SMAD2: variants seen among roughly 807,000 people sequenced by gnomAD.
The protein encoded by SMAD2 is MAD homolog 2.
Under a neutral mutation model 64.4 loss-of-function variants are expected in SMAD2, and 8 were observed. The ratio of observed to expected loss-of-function variants is 0.12; its 90% CI spans 0.07 to 0.22. The LOEUF (loss-of-function observed/expected upper bound fraction) is 0.22, where lower values mean the gene tolerates loss of function less well. Ranked by LOEUF, SMAD2 falls within the 10% of genes least tolerant of loss-of-function variation. The pLI is 1.00. For synonymous variants in SMAD2, 203 were observed against 195.8 expected, an observed-to-expected ratio of 1.04 and a Z score of -0.31; for missense variants, 289 against 561.2, an observed-to-expected ratio of 0.51 and a Z score of 4.90.
chr18:47,892,581 T>C (rs993786278), intron 2 of SMAD2, among the ~76,000 whole-genome samples: 8 of 152,280 alleles, frequency 5.3e-5, no homozygotes, highest in Non-Finnish European at 8.8e-5. Context: ...TCTATGTTTA[T>C]AAAGAGTGGC....
intron 2 of SMAD2, among the ~76,000 whole-genome samples, chr18:47,873,212 C>T (rs948824995): frequency 6.6e-6 from 1 of 152,174 alleles, no homozygotes; most frequent in Admixed American, 6.5e-5. Context: ...TAGAACCAAT[C>T]CCCCTTAGAT....
At position 47,836,587 on chromosome 18, in the gene SMAD2, T is replaced by C. The variant is rs1913432084; in HGVS notation, c.*5240A>G. The C allele has an allele frequency of 4.6e-6, 1 of 215,460 alleles. No homozygotes were observed. The highest frequency in any genetic ancestry group is 5.8e-5 in the Admixed American group (1 of 17,182). 13.3% of individuals were successfully genotyped at this position (215,460 alleles called of 1,614,324 possible). On this transcript the variant is annotated 3_prime_UTR_variant, in exon 11 of 11. Transcript: ENST00000262160. ...TTTTAACTGTTAGAATGACCCCAAC[T>C]GTTAAGTTTGTCTATGAGTGTATAT...
rs527569179 is a variant in SMAD2 at position 47,824,612 on chromosome 18, T to C, written c.*17215A>G. On this transcript the variant is annotated 3_prime_UTR_variant, in exon 11 of 11. Coordinates refer to ENST00000262160, the MANE Select transcript of SMAD2 (RefSeq NM_005901.6). ...TATTTAGGTTGACAGTTATTACACCTGAAAACTAAATTCTAGCTGATCAAT... is the reference window on the plus strand; with the variant it reads ...TATTTAGGTTGACAGTTATTACACCCGAAAACTAAATTCTAGCTGATCAAT... 2 of 152,224 alleles carry C rather than the reference T, an allele frequency of 1.3e-5. No homozygotes were observed. The highest frequency in any genetic ancestry group is 2.9e-5 in the Non-Finnish European group (2 of 68,044). The allele number at this position is 152,224 out of a possible 1,614,324, so 9.4% of individuals were successfully genotyped here.
In SMAD2 at chr18:47,886,615, A is replaced by G. The variant is rs567244088; in HGVS notation, c.236+9906T>C. 7.9e-5 allele frequency among the ~76,000 whole-genome samples: 12 copies of G among 151,892 alleles called. No individual in the cohort carries two copies. The South Asian group carries it at 2.5e-3, about 32-fold the overall frequency. On this transcript the variant is annotated intron_variant, in intron 2 of 10. Coordinates refer to ENST00000262160, the MANE Select transcript of SMAD2 (RefSeq NM_005901.6). ...TATCTATCTATCTATCTATCTATCT[A>G]ACCATAAAGATAAGCAAAGTTCTAA...
In SMAD2 at chr18:47,811,698, A is replaced by G. The variant is rs1237772525; in HGVS notation, c.*30129T>C. 1 of 152,162 alleles carries G rather than the reference A, an allele frequency of 6.6e-6. No homozygotes were observed. The allele number at this position is 152,162 out of a possible 1,614,324, so 9.4% of individuals were successfully genotyped here. A position where few individuals can be genotyped will look rare whatever the true frequency, so the allele number is the denominator to read the frequency against. Reference sequence around the variant, plus strand: ...CAATGAGAGCAGCTGATCAAAATGGAACCCTATGAAAGGCAAAGAGCAGGG... The same window carrying G: ...CAATGAGAGCAGCTGATCAAAATGGGACCCTATGAAAGGCAAAGAGCAGGG... On this transcript the variant is annotated 3_prime_UTR_variant, in exon 11 of 11. Coordinates refer to ENST00000262160, the MANE Select transcript of SMAD2 (RefSeq NM_005901.6).
At chr18:47,842,534 G>C (rs1212991548) in intron 10 of SMAD2, among the ~76,000 whole-genome samples, 1 of 152,072 alleles carries the variant, frequency 6.6e-6, no homozygotes, top group African/African-American at 2.4e-5. Context: ...GTGAGACTCT[G>C]TCTCGGGGTG....
intron 1 of SMAD2, among the ~76,000 whole-genome samples, chr18:47,917,317 C>T (rs2034376284): frequency 6.6e-6 from 1 of 152,130 alleles, no homozygotes; most frequent in East Asian, 1.9e-4. Context: ...TAAATTACAC[C>T]TAGTATATCT....
rs1033697991 is a variant in SMAD2, at chr18:47,830,633, C to G, written c.*11194G>C. Reference sequence around the variant, plus strand: ...CAGCAGCACATTTCTAAATGGCAAACCATTTAGAAGTGAGTCATCATTTGT... The same window carrying G: ...CAGCAGCACATTTCTAAATGGCAAAGCATTTAGAAGTGAGTCATCATTTGT... On this transcript the variant is annotated 3_prime_UTR_variant, in exon 11 of 11. Coordinates refer to ENST00000262160, the MANE Select transcript of SMAD2 (RefSeq NM_005901.6). The G allele has an allele frequency of 6.6e-6, 1 of 150,746 alleles. No individual in the cohort carries two copies. The highest frequency in any genetic ancestry group is 2.4e-5 in the African/African-American group (1 of 40,912). 9.3% of individuals were successfully genotyped at this position (150,746 alleles called of 1,614,324 possible).
At chr18:47,879,105 A>G (rs1405295400) in intron 2 of SMAD2, among the ~76,000 whole-genome samples, 1 of 152,206 alleles carries the variant, frequency 6.6e-6, no homozygotes. Context: ...CTTGAATGAC[A>G]GAGCTAGACC....
At chr18:47,927,803 G>A (rs2034826290) in intron 1 of SMAD2, among the ~76,000 whole-genome samples, 1 of 152,232 alleles carries the variant, frequency 6.6e-6, no homozygotes, top group Admixed American at 6.5e-5. Flanking sequence ...GGAGGCTGAG[G>A]CAGGAGAAGC....
chr18:47,886,118 AATG>A (rs1340355890), intron 2 of SMAD2, among the ~76,000 whole-genome samples: 7 of 152,248 alleles, frequency 4.6e-5, no homozygotes, highest in African/African-American at 1.7e-4. Flanking sequence ...ACCATAAAAC[AATG>A]ATTACAATAC....
At position 47,868,209 on chromosome 18, in the gene SMAD2, T is replaced by G. The variant is rs1449846379; in HGVS notation, c.655+114A>C. 9 of 913,720 alleles carry G rather than the reference T, an allele frequency of 9.8e-6. No homozygotes were observed. The East Asian group carries it at 2.2e-4, about 22-fold the overall frequency. The allele number at this position is 913,720 out of a possible 1,614,324, so 56.6% of individuals were successfully genotyped here. A position where few individuals can be genotyped will look rare whatever the true frequency, so the allele number is the denominator to read the frequency against. On this transcript the variant is annotated intron_variant, in intron 5 of 10. Transcript: ENST00000262160. ...CACCCAACGAATCCAATTTTTCTATTAAAAACTCAAAAGCATTTTTAAAAA... is the reference window on the plus strand; with the variant it reads ...CACCCAACGAATCCAATTTTTCTATGAAAAACTCAAAAGCATTTTTAAAAA...
At chr18:47,886,762 C>T (rs892854109) in intron 2 of SMAD2, 4 of 157,252 alleles carry the variant, frequency 2.5e-5, no homozygotes, top group Non-Finnish European at 5.6e-5. Context: ...TAGCGCTTCC[C>T]ATCATAACCC....
intron 2 of SMAD2, among the ~76,000 whole-genome samples, chr18:47,874,674 T>C (rs905543929): frequency 2.4e-4 from 37 of 152,138 alleles, no homozygotes; most frequent in African/African-American, 8.9e-4. Context: ...GTCTAAAATA[T>C]GCTACTCCCT....
rs1912428518 is a variant in SMAD2, at chr18:47,817,977, C to A, written c.*23850G>T. 1.3e-5 allele frequency: 2 copies of A among 152,224 alleles called. No individual in the cohort carries two copies. Among genetic ancestry groups the A allele is most frequent in the South Asian group, 4.1e-4 (2 of 4,836 alleles). 9.4% of individuals were successfully genotyped at this position (152,224 alleles called of 1,614,324 possible). A position where few individuals can be genotyped will look rare whatever the true frequency, so the allele number is the denominator to read the frequency against. On this transcript the variant is annotated 3_prime_UTR_variant, in exon 11 of 11. Coordinates refer to ENST00000262160, the MANE Select transcript of SMAD2 (RefSeq NM_005901.6). ...ATTCTCAAACATTAAGGCATGCCTG[C>A]TTTTCTGGGACTTCAGGTCAGCTAT...
At position 47,896,794 on chromosome 18, in the gene SMAD2, G is replaced by C; in HGVS notation, c.-38C>G. ...GGCAGCAAGCCACGCTAGGAAAACAGCCTCTTGTATCGAACCTAGCAGAAA... is the reference window on the plus strand; with the variant it reads ...GGCAGCAAGCCACGCTAGGAAAACACCCTCTTGTATCGAACCTAGCAGAAA... On this transcript the variant is annotated 5_prime_UTR_variant, in exon 2 of 11. Transcript: ENST00000262160. 1 of 1,602,820 alleles carries C rather than the reference G, an allele frequency of 6.2e-7. No homozygotes were observed. The highest frequency in any genetic ancestry group is 8.5e-7 in the Non-Finnish European group (1 of 1,174,570).
At chr18:47,846,558 G>A (rs1178481176) in intron 8 of SMAD2, among the ~76,000 whole-genome samples, 1 of 152,152 alleles carries the variant, frequency 6.6e-6, no homozygotes, top group Non-Finnish European at 1.5e-5. Context: ...GGACTAGACT[G>A]TCATAGGCTA....
intron 2 of SMAD2, among the ~76,000 whole-genome samples, chr18:47,881,725 C>G (rs749730679): frequency 2.0e-5 from 3 of 152,104 alleles, no homozygotes; most frequent in Non-Finnish European, 2.9e-5. Flanking sequence ...TTCTTAAATA[C>G]CTTTTATCAG....
chr18:47,888,673 TTCTC>T (rs1239649850), intron 2 of SMAD2, among the ~76,000 whole-genome samples: 2 of 152,304 alleles, frequency 1.3e-5, no homozygotes, highest in African/African-American at 4.8e-5. Flanking sequence ...TAAGGGGAGC[TTCTC>T]TCTATCTACC....
Sources: gnomAD v4.1 joint callset for allele counts (sites outside exome capture counted in the v4.1 genomes callset) on GRCh38, gnomAD v4.1.1 for gene constraint, MANE v1.5 for transcripts, NCBI Gene and HGNC (gene_info 2026-07-23, HGNC 2026-07-21) for gene names.